Variants in LRMDA observed in about 807,000 individuals in gnomAD.
LRMDA encodes the protein leucine rich melanocyte differentiation associated.
Under a neutral mutation model 29.8 loss-of-function variants are expected in LRMDA, and 18 were observed. That is an observed-to-expected ratio of 0.60 (90% CI 0.42 to 0.90). LRMDA has a LOEUF of 0.90. Among genes scored for constraint, LRMDA ranks in the 40% least tolerant of loss-of-function variants. The pLI is 0.00. For missense variants in LRMDA, 273 were observed against 273.9 expected, an observed-to-expected ratio of 1.00 and a Z score of 0.02; for synonymous variants, 125 against 109.4, an observed-to-expected ratio of 1.14 and a Z score of -0.89.
At chr10:76,440,838 A>G (rs1842294761) in intron 6 of LRMDA, among the ~76,000 whole-genome samples, 1 of 152,164 alleles carries the variant, frequency 6.6e-6, no homozygotes, top group Non-Finnish European at 1.5e-5. Context: ...TGGTGAGATT[A>G]TTCACATATT....
chr10:75,635,074 G>T (rs1376788105), intron 2 of LRMDA, among the ~76,000 whole-genome samples: 1 of 152,170 alleles, frequency 6.6e-6, no homozygotes, highest in Non-Finnish European at 1.5e-5. Context: ...AGAAATTGCT[G>T]CTTTGCTTTG....
chr10:76,247,191 G>A (rs900653217), intron 5 of LRMDA, among the ~76,000 whole-genome samples: 1 of 152,182 alleles, frequency 6.6e-6, no homozygotes, highest in Non-Finnish European at 1.5e-5. Context: ...GACTTAAATA[G>A]ATGACTGTTT....
rs946338447 is a variant in LRMDA at position 75,772,176 on chromosome 10, G to T, written c.132-263832G>T. Among the ~76,000 whole-genome samples, 4 of 152,086 alleles carry T rather than the reference G, an allele frequency of 2.6e-5. No homozygotes were observed. In the East Asian group the frequency reaches 7.7e-4, roughly 29 times the overall value. On this transcript the variant is annotated intron_variant, in intron 2 of 6. Transcript: ENST00000611255. ...ATAAGTGTTAATGACAGAATTACAC[G>T]CTGGCACCATATATCTTTTACTTCA...
At chr10:75,465,280 A>G (rs781750926) in intron 2 of LRMDA, among the ~76,000 whole-genome samples, 2 of 152,176 alleles carry the variant, frequency 1.3e-5, no homozygotes, top group African/African-American at 2.4e-5. Flanking sequence ...GTGGAGGTAC[A>G]TTAGTAAAAA....
intron 4 of LRMDA, among the ~76,000 whole-genome samples, chr10:76,053,684 G>C (rs535144093): frequency 6.6e-6 from 1 of 152,164 alleles, no homozygotes; most frequent in East Asian, 1.9e-4. Context: ...CCACCAAGGG[G>C]CAAGAAGATC....
chr10:76,514,073 A>C (rs1397070471), intron 6 of LRMDA, among the ~76,000 whole-genome samples: 9 of 152,338 alleles, frequency 5.9e-5, no homozygotes, highest in Non-Finnish European at 1.3e-4. Context: ...CTGAGGCACA[A>C]AGATAGGCCC....
At chr10:76,109,824 C>G (rs149541896) in intron 5 of LRMDA, among the ~76,000 whole-genome samples, 41 of 152,290 alleles carry the variant, frequency 2.7e-4, no homozygotes, top group African/African-American at 9.6e-4. Context: ...CACAGTCTTT[C>G]CTTGGCTTTA....
intron 2 of LRMDA, among the ~76,000 whole-genome samples, chr10:75,717,881 A>G (rs1842520273): frequency 6.6e-6 from 1 of 152,192 alleles, no homozygotes; most frequent in Admixed American, 6.5e-5. Flanking sequence ...GTTCAGCCAT[A>G]TCGCACCAAC....
chr10:76,284,933 G>A (rs1021640793), intron 5 of LRMDA, among the ~76,000 whole-genome samples: 1 of 152,096 alleles, frequency 6.6e-6, no homozygotes, highest in Non-Finnish European at 1.5e-5. Context: ...CCATCCATGT[G>A]GAAATGTGAG....
chr10:75,910,895 C>T lies in LRMDA; in HGVS notation c.132-125113C>T, dbSNP rs115491118. 7.2e-5 allele frequency among the ~76,000 whole-genome samples: 11 copies of T among 152,056 alleles called. No homozygotes were observed. The East Asian group carries it at 1.2e-3, about 16-fold the overall frequency. Reference sequence around the variant, plus strand: ...TGGGTTCTCTGTCTCTTGTTTGGTGCGAGACAGGGTGCAGGATTTTCTTTT... The same window carrying T: ...TGGGTTCTCTGTCTCTTGTTTGGTGTGAGACAGGGTGCAGGATTTTCTTTT... On this transcript the variant is annotated intron_variant, in intron 2 of 6. Coordinates refer to ENST00000611255, the MANE Select transcript of LRMDA (RefSeq NM_001305581.2).
At chr10:75,813,897 G>A (rs1472222315) in intron 2 of LRMDA, among the ~76,000 whole-genome samples, 1 of 152,148 alleles carries the variant, frequency 6.6e-6, no homozygotes, top group Admixed American at 6.5e-5. Context: ...TCTCTGCTGG[G>A]TCAAAATGCT....
intron 5 of LRMDA, among the ~76,000 whole-genome samples, chr10:76,237,600 A>G (rs1011488375): frequency 1.3e-5 from 2 of 152,024 alleles, no homozygotes; most frequent in East Asian, 1.9e-4. Flanking sequence ...TGTCTTTGCA[A>G]TGTTGTCTTT....
intron 5 of LRMDA, among the ~76,000 whole-genome samples, chr10:76,227,622 A>G (rs924946375): frequency 2.6e-5 from 4 of 152,154 alleles, no homozygotes; most frequent in Non-Finnish European, 4.4e-5. Flanking sequence ...CTTGTAATCA[A>G]CTGAATTTCC....
At chr10:75,601,721 T>C (rs914600612) in intron 2 of LRMDA, among the ~76,000 whole-genome samples, 1 of 152,226 alleles carries the variant, frequency 6.6e-6, no homozygotes, top group East Asian at 1.9e-4. Flanking sequence ...GTACTTATCA[T>C]GTGCTATACA....
chr10:76,127,577 T>C (rs2132131822), intron 5 of LRMDA, among the ~76,000 whole-genome samples: 1 of 152,168 alleles, frequency 6.6e-6, no homozygotes, highest in African/African-American at 2.4e-5. Context: ...CAGAGTTTTT[T>C]TTTTTTTCAT....
At chr10:75,725,556 C>T (rs1406957831) in intron 2 of LRMDA, among the ~76,000 whole-genome samples, 1 of 152,172 alleles carries the variant, frequency 6.6e-6, no homozygotes, top group Non-Finnish European at 1.5e-5. Flanking sequence ...CTGTGTCACA[C>T]GATGAGTTGA....
intron 5 of LRMDA, chr10:76,242,011 ATTTTTT>A (rs1193684155): frequency 1.3e-5 from 2 of 151,682 alleles, no homozygotes; most frequent in African/African-American, 4.8e-5. Context: ...TATTGTAATA[ATTTTTT>A]TTTAAGAGAC....
At chr10:76,433,531 T>A (rs1842213287) in intron 6 of LRMDA, among the ~76,000 whole-genome samples, 1 of 152,190 alleles carries the variant, frequency 6.6e-6, no homozygotes, top group Non-Finnish European at 1.5e-5. Context: ...CAGACAGGCT[T>A]GTGCGATTAG....
intron 2 of LRMDA, among the ~76,000 whole-genome samples, chr10:75,979,915 T>A (rs1847136705): frequency 6.6e-6 from 1 of 152,240 alleles, no homozygotes; most frequent in African/African-American, 2.4e-5. Context: ...CCTCTCTGGG[T>A]CATTTATTTT....
Sources: allele counts gnomAD v4.1 joint callset (sites outside exome capture counted in the v4.1 genomes callset), GRCh38; gene constraint gnomAD v4.1.1; transcripts MANE v1.5; gene names NCBI Gene and HGNC (gene_info 2026-07-23, HGNC 2026-07-21).